Variants in GGN observed in about 807,000 individuals in gnomAD.
GGN encodes the protein gametogenetin.
Under a neutral mutation model 35.5 loss-of-function variants are expected in GGN, and 27 were observed. That is an observed-to-expected ratio of 0.76 (90% CI 0.56 to 1.05). The LOEUF (loss-of-function observed/expected upper bound fraction) is 1.05. Ranked by LOEUF, GGN falls within the 50% of genes least tolerant of loss-of-function variation. The pLI is 0.00. For missense variants in GGN, 1,006 were observed against 940.7 expected, an observed-to-expected ratio of 1.07 and a Z score of -0.91; for synonymous variants, 425 against 444.1, an observed-to-expected ratio of 0.96 and a Z score of 0.54.
Position 38,386,403 on chromosome 19 carries a change from C to T in GGN, c.859G>A (p.Glu287Lys). ...GGCAGGGGCCCTTGCTTCAGGACCT[C>T]GGCGTAAGAGATGGCACCTGAGGCA... ...FAASGAISYA[E>K]VLKQGPLPPG... The change falls in exon 3 of 4, where the codon GAG becomes AAG. Residue 287 changes from glutamate (E) to lysine (K), a missense_variant. Transcript: ENST00000334928. 1 of 1,612,840 alleles carries T rather than the reference C, an allele frequency of 6.2e-7. No homozygotes were observed. The highest frequency in any genetic ancestry group is 8.5e-7 in the Non-Finnish European group (1 of 1,179,932).
chr19:38,384,415 G>T lies in GGN; in HGVS notation c.1956C>A (p.Asn652Lys). The T allele has an allele frequency of 6.2e-7, 1 of 1,611,720 alleles. No homozygotes were observed. The highest frequency in any genetic ancestry group is 8.5e-7 in the Non-Finnish European group (1 of 1,177,910). ...GAGGGTGTTGAGCCGACTACACTCA[G>T]TTGGAATGGGTGGCCTGCAAGTCGT... ...EHYDLQATHS[N>K] The change falls in exon 4 of 4, where the codon AAC becomes AAA. Residue 652 changes from asparagine (N) to lysine (K), a missense_variant. Transcript: ENST00000334928.
rs202128024 is a variant in GGN, at chr19:38,386,830, C to T, written c.432G>A (p.Pro144=). The change falls in exon 3 of 4, where the codon CCG becomes CCA. Residue 144 remains proline, a synonymous_variant. Coordinates refer to ENST00000334928, the MANE Select transcript of GGN (RefSeq NM_152657.4). ...GDPPSLRPLK[P]PPPPRQLSVK... ...CGGATAGTTGCCGGGGCGGCGGCGGCGGCTTCAGCGGGCGGAGGCTCGGAG... is the reference window on the plus strand; with the variant it reads ...CGGATAGTTGCCGGGGCGGCGGCGGTGGCTTCAGCGGGCGGAGGCTCGGAG... 5.7e-4 allele frequency: 909 copies of T among 1,606,560 alleles called. 2 individuals carry two copies. The African/African-American group carries it at 0.011, about 19-fold the overall frequency.
rs763034943 is a variant in GGN at position 38,385,626 on chromosome 19, C to T, written c.1636G>A (p.Asp546Asn). The T allele has an allele frequency of 1.2e-6, 2 of 1,614,128 alleles. No homozygotes were observed. Among genetic ancestry groups the T allele is most frequent in the Non-Finnish European group, 1.7e-6 (2 of 1,180,016 alleles). Residue 546 changes from aspartate (D) to asparagine (N), a missense_variant, in exon 3 of 4, where the codon GAT (aspartate) becomes AAT (asparagine). Coordinates refer to ENST00000334928, the MANE Select transcript of GGN (RefSeq NM_152657.4). ...GCTGTAGCTCGTTCGCGAGGACCAT[C>T]TCCATGCAAGCCATCCTTACGGGTC... ...GATRKDGLHG[D>N]GPRERATATV...
Position 38,385,616 on chromosome 19 carries a change from C to G in GGN, c.1646G>C (p.Arg549Pro). 3 of 1,614,118 alleles carry G rather than the reference C, an allele frequency of 1.9e-6. No individual in the cohort carries two copies. Among genetic ancestry groups the G allele is most frequent in the Non-Finnish European group, 2.5e-6 (3 of 1,180,012 alleles). The change falls in exon 3 of 4, where the codon CGC (arginine) becomes CCC (proline). Residue 549 changes from arginine to proline, a missense_variant. Coordinates refer to ENST00000334928, the MANE Select transcript of GGN (RefSeq NM_152657.4). The stretch of plus-strand genomic sequence containing the variant: ...AGGCACGGTAGCTGTAGCTCGTTCG[C>G]GAGGACCATCTCCATGCAAGCCATC... ...RKDGLHGDGP[R>P]ERATATVPDS...
Position 38,385,523 on chromosome 19 carries a change from G to A in GGN, c.1739C>T (p.Ala580Val), listed in dbSNP as rs1346756905. ...CACCTGGAAGGGCAGCCAGTGGCGCGCAGCGCGGGTGTTAGCTGCCCCAGT... is the reference window on the plus strand; with the variant it reads ...CACCTGGAAGGGCAGCCAGTGGCGCACAGCGCGGGTGTTAGCTGCCCCAGT... Reference protein sequence around the residue: ...SQTGAANTRAARHWLPFQVLN... With the variant: ...SQTGAANTRAVRHWLPFQVLN... Residue 580 changes from alanine (A) to valine (V), a missense_variant, in exon 3 of 4, where the codon GCG becomes GTG. Ala to Val is a moderately conservative substitution (Grantham distance 64). Coordinates refer to ENST00000334928, the MANE Select transcript of GGN (RefSeq NM_152657.4). 2 of 1,613,954 alleles carry A rather than the reference G, an allele frequency of 1.2e-6. No individual in the cohort carries two copies. Among genetic ancestry groups the A allele is most frequent in the African/African-American group, 1.3e-5 (1 of 74,950 alleles).
chr19:38,388,324 A>C, upstream of GGN: 2 of 389,874 alleles, frequency 5.1e-6, no homozygotes, highest in Admixed American at 4.5e-5. Flanking sequence ...GCAGCATCCA[A>C]ACCTCCTTAT....
Position 38,386,810 on chromosome 19 carries a change from AGTTGCCGGG to A in GGN, c.443_451del (p.Pro148_Gln150del). Reference sequence around the variant, plus strand: ...CCTCGGGACAGTGTCCTTCACGGATAGTTGCCGGGGCGGCGGCGGCGGCTTCAGCGGGCG... The same window carrying A: ...CCTCGGGACAGTGTCCTTCACGGATAGCGGCGGCGGCGGCTTCAGCGGGCG... On this transcript the variant is annotated inframe_deletion, in exon 3 of 4. Transcript: ENST00000334928. 6.2e-7 allele frequency: 1 copy of A among 1,609,384 alleles called. No homozygotes were observed. Among genetic ancestry groups the A allele is most frequent in the Middle Eastern group, 1.7e-4 (1 of 6,046 alleles).
chr19:38,386,288 G>A lies in GGN; in HGVS notation c.974C>T (p.Pro325Leu). The change falls in exon 3 of 4, where the codon CCT (proline) becomes CTT (leucine). Residue 325 changes from proline (P) to leucine (L), a missense_variant. Physicochemically the swap from Pro to Leu is moderately conservative, Grantham distance 98. Transcript: ENST00000334928. The part of the protein sequence containing the change: ...GDGDGEGCSG[P>L]PSAPASQARA... ...GGCTTGGGACGCAGGCGCCGAGGGA[G>A]GACCAGAGCACCCTTCGCCGTCTCC... is the stretch of plus-strand genomic sequence containing the variant. 6.2e-7 allele frequency: 1 copy of A among 1,609,866 alleles called. No individual in the cohort carries two copies. The highest frequency in any genetic ancestry group is 1.1e-5 in the South Asian group (1 of 90,746).
At position 38,385,654 on chromosome 19, in the gene GGN, G is replaced by A; in HGVS notation, c.1608C>T (p.Gly536=). The A allele has an allele frequency of 1.9e-6, 3 of 1,613,890 alleles. No homozygotes were observed. The highest frequency in any genetic ancestry group is 2.5e-6 in the Non-Finnish European group (3 of 1,179,966). ...CATGCAAGCCATCCTTACGGGTCGCGCCCCGGGCTGCACGGGAACCCTTGT... is the reference window on the plus strand; with the variant it reads ...CATGCAAGCCATCCTTACGGGTCGCACCCCGGGCTGCACGGGAACCCTTGT... The part of the protein sequence containing the change: ...RRNKGSRAAR[G]ATRKDGLHGD... Residue 536 remains glycine (G), a synonymous_variant, in exon 3 of 4, where the codon GGC becomes GGT. Transcript: ENST00000334928.
intron 3 of GGN, among the ~76,000 whole-genome samples, chr19:38,384,943 C>G (rs915267555): frequency 6.6e-6 from 1 of 152,186 alleles, no homozygotes; most frequent in African/African-American, 2.4e-5. Context: ...AGGAGAAGTC[C>G]TCAGAGGCTA....
Position 38,384,506 on chromosome 19 carries a change from A to G in GGN, c.1865T>C (p.Leu622Pro), listed in dbSNP as rs1314842443. The G allele has an allele frequency of 1.2e-6, 2 of 1,613,912 alleles. No individual in the cohort carries two copies. The highest frequency in any genetic ancestry group is 3.3e-5 in the Admixed American group (2 of 60,006). ...SAWLSTSTNH[L>P]GEPPWVATIK... ...GGTGGCAACCCAGGGTGGCTCGCCC[A>G]GGTGGTTGGTGGATGTGCTCAGCCT... Residue 622 changes from leucine (L) to proline (P), a missense_variant, in exon 4 of 4, where the codon CTG becomes CCG. By Grantham distance (98) the Leu-to-Pro change is moderately conservative. Coordinates refer to ENST00000334928, the MANE Select transcript of GGN (RefSeq NM_152657.4).
In GGN at chr19:38,386,139, C is replaced by T. The variant is rs778724282; in HGVS notation, c.1123G>A (p.Ala375Thr). 5 of 1,582,294 alleles carry T rather than the reference C, an allele frequency of 3.2e-6. No homozygotes were observed. The highest frequency in any genetic ancestry group is 4.6e-5 in the East Asian group (2 of 43,640). ...AGTGCGGCCGCACGCCGTCGCGGCG[C>T]CCCGATGCCTCCGCCAGCCCCGTTG... ...RFNGAGGGIG[A>T]PRRRAAALSG... Residue 375 changes from alanine to threonine, a missense_variant, in exon 3 of 4, where the codon GCG (alanine) becomes ACG (threonine). Coordinates refer to ENST00000334928, the MANE Select transcript of GGN (RefSeq NM_152657.4).
Position 38,386,665 on chromosome 19 carries a change from C to A in GGN, c.597G>T (p.Pro199=). ...TPALATPASP[P]TESQAGPRNQ... ...TGCGGGGCCCAGCCTGGCTTTCTGT[C>A]GGGGGTGAGGCGGGTGTGGCCAGAG... Residue 199 remains proline (P), a synonymous_variant, in exon 3 of 4, where the codon CCG becomes CCT. Coordinates refer to ENST00000334928, the MANE Select transcript of GGN (RefSeq NM_152657.4). 1.2e-6 allele frequency: 2 copies of A among 1,611,576 alleles called. No homozygotes were observed. Among genetic ancestry groups the A allele is most frequent in the Non-Finnish European group, 1.7e-6 (2 of 1,178,620 alleles).
At position 38,386,822 on chromosome 19, in the gene GGN, G is replaced by A. The variant is rs368124004; in HGVS notation, c.440C>T (p.Pro147Leu). 8 of 1,607,958 alleles carry A rather than the reference G, an allele frequency of 5.0e-6. No homozygotes were observed. The highest frequency in any genetic ancestry group is 1.3e-5 in the African/African-American group (1 of 74,750). Residue 147 changes from proline (P) to leucine (L), a missense_variant, in exon 3 of 4, where the codon CCG becomes CTG. By Grantham distance (98) the Pro-to-Leu change is moderately conservative. Coordinates refer to ENST00000334928, the MANE Select transcript of GGN (RefSeq NM_152657.4). ...GTCCTTCACGGATAGTTGCCGGGGC[G>A]GCGGCGGCGGCTTCAGCGGGCGGAG... ...PSLRPLKPPP[P>L]PRQLSVKDTV...
At position 38,387,445 on chromosome 19, in the gene GGN, C is replaced by G. The variant is rs1414955359; in HGVS notation, c.-19-165G>C. ...CTCCTGTTCCCCGACCTTCGACACTCACGCCTTCTTGCCCATGTCCCCAAC... is the reference window on the plus strand; with the variant it reads ...CTCCTGTTCCCCGACCTTCGACACTGACGCCTTCTTGCCCATGTCCCCAAC... On this transcript the variant is annotated intron_variant, in intron 2 of 3. Transcript: ENST00000334928. The surrounding 1 kb of genome is among the most constrained non-coding windows in gnomAD (Gnocchi z 5.3). Among the ~76,000 whole-genome samples the G allele has an allele frequency of 6.6e-6, 1 of 152,144 alleles. No homozygotes were observed. The highest frequency in any genetic ancestry group is 1.5e-5 in the Non-Finnish European group (1 of 68,020).
Position 38,385,436 on chromosome 19 carries a change from C to G in GGN, c.1826G>C (p.Arg609Pro), listed in dbSNP as rs147254848. The G allele has an allele frequency of 1.9e-6, 3 of 1,614,084 alleles. No homozygotes were observed. Among genetic ancestry groups the G allele is most frequent in the Middle Eastern group, 1.7e-4 (1 of 5,952 alleles). ...HHQPRHRRLP[R>P]NVSAWLSTST... Reference sequence around the variant, plus strand: ...CCCCTCTCACCAGGCAGAGACGTTGCGTGGCAGGCGGCGATGGCGTGGCTG... The same window carrying G: ...CCCCTCTCACCAGGCAGAGACGTTGGGTGGCAGGCGGCGATGGCGTGGCTG... Residue 609 changes from arginine (R) to proline (P), a missense_variant, in exon 3 of 4, where the codon CGC (arginine) becomes CCC (proline). Arg to Pro is a moderately radical substitution (Grantham distance 103, BLOSUM62 -2). Coordinates refer to ENST00000334928, the MANE Select transcript of GGN (RefSeq NM_152657.4).
rs1478028044 is a variant in GGN at position 38,385,619 on chromosome 19, G to A, written c.1643C>T (p.Pro548Leu). ...CACGGTAGCTGTAGCTCGTTCGCGA[G>A]GACCATCTCCATGCAAGCCATCCTT... is the stretch of plus-strand genomic sequence containing the variant. ...TRKDGLHGDG[P>L]RERATATVPD... Residue 548 changes from proline (P) to leucine (L), a missense_variant, in exon 3 of 4, where the codon CCT becomes CTT. By Grantham distance (98) the Pro-to-Leu change is moderately conservative. Transcript: ENST00000334928. 2.5e-6 allele frequency: 4 copies of A among 1,614,144 alleles called. No individual in the cohort carries two copies. The highest frequency in any genetic ancestry group is 3.3e-5 in the Admixed American group (2 of 60,036).
In GGN at chr19:38,387,651, C is replaced by G. The variant is rs1435198109; in HGVS notation, c.-20+110G>C. The G allele has an allele frequency of 4.8e-6, 1 of 210,326 alleles. No homozygotes were observed. The highest frequency in any genetic ancestry group is 9.6e-6 in the Non-Finnish European group (1 of 104,232). The allele number at this position is 210,326 out of a possible 1,614,324, so 13.0% of individuals were successfully genotyped here. A position where few individuals can be genotyped will look rare whatever the true frequency, so the allele number is the denominator to read the frequency against. On this transcript the variant is annotated intron_variant, in intron 2 of 3. Transcript: ENST00000334928. The surrounding 1 kb of genome is among the most constrained non-coding windows in gnomAD (Gnocchi z 5.3). ...GCAGGGGCAGATCCTCAGGCCTCACCCCTAAACCTCTTCCCGCTCCAGGTC... is the reference window on the plus strand; with the variant it reads ...GCAGGGGCAGATCCTCAGGCCTCACGCCTAAACCTCTTCCCGCTCCAGGTC...
At chr19:38,384,779 A>G (rs531433684) in intron 3 of GGN, among the ~76,000 whole-genome samples, 1 of 152,296 alleles carries the variant, frequency 6.6e-6, no homozygotes, top group East Asian at 1.9e-4. Context: ...AGTCAGTATC[A>G]GACCCCAGTG....
Sources: gnomAD v4.1 joint callset for allele counts (sites outside exome capture counted in the v4.1 genomes callset) on GRCh38, gnomAD v4.1.1 for gene constraint, Gnocchi (gnomAD v3.1) non-coding constraint, MANE v1.5 for transcripts, NCBI Gene and HGNC (gene_info 2026-07-23, HGNC 2026-07-21) for gene names.